The following P2RY8 variants were observed in gnomAD, a reference collection of about 807,000 sequenced individuals.
The protein encoded by P2RY8 is P2Y receptor family member 8, also known as S-geranylgeranyl-glutathione receptor P2RY8.
Under a neutral mutation model 10.0 loss-of-function variants are expected in P2RY8, and 6 were observed. The observed-to-expected ratio is 0.60, with a 90% CI of 0.33 to 1.19. P2RY8 has a LOEUF of 1.19. P2RY8 is among the 50% of genes most tolerant of loss of function. The pLI is 0.04. For missense variants in P2RY8, 456 were observed against 542.0 expected, an observed-to-expected ratio of 0.84 and a Z score of 1.58; for synonymous variants, 276 against 252.5, an observed-to-expected ratio of 1.09 and a Z score of -0.88.
chrX:1,490,431 G>T (rs1449199943), intron 1 of P2RY8, among the ~76,000 whole-genome samples: 2 of 149,704 alleles, frequency 1.3e-5, no homozygotes, highest in Non-Finnish European at 3.0e-5. Context: ...TTCTGCAAAT[G>T]TAGAGAGAAT....
intron 1 of P2RY8, among the ~76,000 whole-genome samples, chrX:1,494,534 T>TA (rs111595541): frequency 0.037 from 5,484 of 149,152 alleles, 343 homozygotes; most frequent in African/African-American, 0.13. Context: ...AATTAGGCTT[T>TA]AAAAAAAAAA....
intron 1 of P2RY8, among the ~76,000 whole-genome samples, chrX:1,478,966 C>T (rs2091907199): frequency 6.6e-6 from 1 of 152,158 alleles, no homozygotes. Context: ...GATACCACCA[C>T]TTCCAGGTTC....
chrX:1,526,046 C>CCACA (rs1196745974), intron 1 of P2RY8, among the ~76,000 whole-genome samples: 1 of 151,684 alleles, frequency 6.6e-6, no homozygotes. Flanking sequence ...AGCCGCTCAT[C>CCACA]CATCCATCTA....
At chrX:1,536,241 G>A (rs1203989641) in intron 1 of P2RY8, among the ~76,000 whole-genome samples, 9 of 151,822 alleles carry the variant, frequency 5.9e-5, no homozygotes, top group Middle Eastern at 3.4e-3. Flanking sequence ...CAAGAGAGGC[G>A]CATTTCATGG....
At chrX:1,525,212 T>G (rs1403951187) in intron 1 of P2RY8, among the ~76,000 whole-genome samples, 12 of 152,220 alleles carry the variant, frequency 7.9e-5, no homozygotes, top group Non-Finnish European at 1.6e-4. Context: ...TTGAGTTGGA[T>G]TGCATCCCTT....
chrX:1,481,991 G>GT (rs1294955716), intron 1 of P2RY8, among the ~76,000 whole-genome samples: 2 of 152,172 alleles, frequency 1.3e-5, no homozygotes, highest in Non-Finnish European at 2.9e-5. Context: ...CTCCGCAGAC[G>GT]CCCCGTGGAG....
chrX:1,508,708 A>T (rs1215859345), intron 1 of P2RY8, among the ~76,000 whole-genome samples: 3 of 60,812 alleles, frequency 4.9e-5, no homozygotes, highest in East Asian at 9.0e-4. Flanking sequence ...CATCCATTCT[A>T]TCTATCTATC....
chrX:1,489,412 C>G (rs1424534102), intron 1 of P2RY8, among the ~76,000 whole-genome samples: 5 of 151,586 alleles, frequency 3.3e-5, no homozygotes, highest in African/African-American at 1.2e-4. Flanking sequence ...ACCCAGGATT[C>G]ACTTCCGTAA....
chrX:1,474,603 G>A (rs1339282562), intron 1 of P2RY8, among the ~76,000 whole-genome samples: 2 of 119,274 alleles, frequency 1.7e-5, no homozygotes, highest in African/African-American at 3.2e-5. Flanking sequence ...TGGATGGATG[G>A]ATGGATAAGT....
At chrX:1,466,621 G>A (rs2091681651) in intron 1 of P2RY8, 39 bp from the exon 2 acceptor site, 1 of 1,530,610 alleles carries the variant, frequency 6.5e-7, no homozygotes, top group Non-Finnish European at 8.7e-7. Flanking sequence ...GGTCAGGGGC[G>A]CAGGTAAAGA....
intron 1 of P2RY8, among the ~76,000 whole-genome samples, chrX:1,517,158 C>A (rs5989785): frequency 6.6e-6 from 1 of 150,826 alleles, no homozygotes; most frequent in Non-Finnish European, 1.5e-5. Flanking sequence ...ATCAATGTCT[C>A]TTGTTTCTAA....
At chrX:1,525,469 C>T (rs2092433724) in intron 1 of P2RY8, among the ~76,000 whole-genome samples, 1 of 152,072 alleles carries the variant, frequency 6.6e-6, no homozygotes, top group Admixed American at 6.6e-5. Context: ...AGCCCAGGGA[C>T]GTCAAGGATG....
chrX:1,465,429 C>T lies in P2RY8; in HGVS notation c.*50G>A, dbSNP rs762382215. On this transcript the variant is annotated 3_prime_UTR_variant, in exon 2 of 2. Coordinates refer to ENST00000381297, the MANE Select transcript of P2RY8 (RefSeq NM_178129.5). ...TGGCACCGTGGCCTCTCCATGCGCC[C>T]CTGGATCTCCAAGCTGCGCCCCCGG... 28 of 1,551,048 alleles carry T rather than the reference C, an allele frequency of 1.8e-5. No homozygotes were observed. The highest frequency in any genetic ancestry group is 1.1e-4 in the Admixed American group (6 of 52,652).
At chrX:1,500,593 C>T (rs1469674249) in intron 1 of P2RY8, among the ~76,000 whole-genome samples, 3 of 150,536 alleles carry the variant, frequency 2.0e-5, no homozygotes, top group East Asian at 2.0e-4. Context: ...TCCAGGTACA[C>T]GCCACCACAC....
chrX:1,511,723 A>G (rs1212494085), intron 1 of P2RY8, among the ~76,000 whole-genome samples: 1 of 152,238 alleles, frequency 6.6e-6, no homozygotes, highest in Non-Finnish European at 1.5e-5. Flanking sequence ...CATTCTCTTG[A>G]CGGCACTGAG....
intron 1 of P2RY8, among the ~76,000 whole-genome samples, chrX:1,499,185 A>G (rs1387489336): frequency 2.0e-5 from 2 of 100,668 alleles, no homozygotes; most frequent in African/African-American, 4.0e-5. Flanking sequence ...TTTTTTTGAG[A>G]CAGTTTCACT....
chrX:1,489,638 T>C (rs1387324738), intron 1 of P2RY8, among the ~76,000 whole-genome samples: 20 of 148,670 alleles, frequency 1.3e-4, no homozygotes, highest in Non-Finnish European at 2.4e-4. Context: ...AGGGCTTCCC[T>C]GCAAATGTGG....
At chrX:1,532,382 G>A (rs1309904449) in intron 1 of P2RY8, among the ~76,000 whole-genome samples, 2 of 149,130 alleles carry the variant, frequency 1.3e-5, no homozygotes, top group Admixed American at 1.3e-4. Context: ...TATATGATGT[G>A]TGTATATGCA....
chrX:1,498,612 G>T lies in P2RY8; in HGVS notation c.-24-32030C>A, dbSNP rs370148425. Among the ~76,000 whole-genome samples the T allele has an allele frequency of 4.5e-4, 67 of 148,388 alleles. 1 individual carries two copies. Among genetic ancestry groups the T allele is most frequent in the Middle Eastern group, 3.8e-3 (1 of 266 alleles). Reference sequence around the variant, plus strand: ...GGTTCACTGCAACATCTGCCTCCCAGGTTCAAGCGATTCTCCTGCCTCAGC... The same window carrying T: ...GGTTCACTGCAACATCTGCCTCCCATGTTCAAGCGATTCTCCTGCCTCAGC... On this transcript the variant is annotated intron_variant, in intron 1 of 1. Coordinates refer to ENST00000381297, the MANE Select transcript of P2RY8 (RefSeq NM_178129.5).
Sources: allele counts gnomAD v4.1 joint callset (sites outside exome capture counted in the v4.1 genomes callset), GRCh38; gene constraint gnomAD v4.1.1; transcripts MANE v1.5; gene names NCBI Gene and HGNC (gene_info 2026-07-23, HGNC 2026-07-21).